The following GARRE1 variants were observed in gnomAD, a reference collection of about 807,000 sequenced individuals.
The protein encoded by GARRE1 is granule associated Rac and RHOG effector 1.
Under a neutral mutation model 103.2 loss-of-function variants are expected in GARRE1, and 49 were observed. The ratio of observed to expected loss-of-function variants is 0.47; its 90% CI spans 0.38 to 0.60. The LOEUF is 0.60. GARRE1 is among the 20% of genes least tolerant of loss of function. GARRE1 has a pLI of 0.00. For synonymous variants in GARRE1, 505 were observed against 532.8 expected, an observed-to-expected ratio of 0.95 and a Z score of 0.72; for missense variants, 1,199 against 1,370.5, an observed-to-expected ratio of 0.87 and a Z score of 1.98.
intron 2 of GARRE1, among the ~76,000 whole-genome samples, chr19:34,301,413 C>T (rs2073977837): frequency 6.7e-6 from 1 of 149,566 alleles, no homozygotes; most frequent in Admixed American, 6.7e-5. Flanking sequence ...AGCCCAGAAG[C>T]TGAGGTGGGA....
intron 3 of GARRE1, among the ~76,000 whole-genome samples, chr19:34,325,940 C>G (rs1268738780): frequency 6.6e-6 from 1 of 152,178 alleles, no homozygotes; most frequent in Non-Finnish European, 1.5e-5. Context: ...ACCCTAAGTG[C>G]TGCTTTCTGG....
intron 1 of GARRE1, among the ~76,000 whole-genome samples, chr19:34,292,169 CT>C (rs1442599490): frequency 6.6e-6 from 1 of 152,116 alleles, no homozygotes; most frequent in African/African-American, 2.4e-5. Flanking sequence ...CCCAGATCTA[CT>C]TTTTTATCTG....
chr19:34,268,785 A>G (rs574921868), intron 1 of GARRE1, among the ~76,000 whole-genome samples: 7 of 151,744 alleles, frequency 4.6e-5, no homozygotes, highest in Non-Finnish European at 1.0e-4. Context: ...ACACAGTGAG[A>G]CTCCGTCTCT....
chr19:34,279,065 T>C (rs548141194), intron 1 of GARRE1, among the ~76,000 whole-genome samples: 1 of 152,338 alleles, frequency 6.6e-6, no homozygotes, highest in Non-Finnish European at 1.5e-5. Context: ...TGTTTCCACC[T>C]TTTGACTATT....
rs2074117859 is a variant in GARRE1 at position 34,327,601 on chromosome 19, A to G, written c.846+40A>G. 2.5e-6 allele frequency: 4 copies of G among 1,606,492 alleles called. No individual in the cohort carries two copies. In the East Asian group the frequency reaches 6.7e-5, roughly 27 times the overall value. ...ACTGACATACTGATTTCCACGGGATAGAAACAAGGGAGGGAGTTAAAGTTG... is the reference window on the plus strand; with the variant it reads ...ACTGACATACTGATTTCCACGGGATGGAAACAAGGGAGGGAGTTAAAGTTG... On this transcript the variant is annotated intron_variant, in intron 4 of 13. Transcript: ENST00000299505.
In GARRE1 at chr19:34,353,205, T is replaced by G; in HGVS notation, c.*250T>G. On this transcript the variant is annotated 3_prime_UTR_variant, in exon 14 of 14. Transcript: ENST00000299505. ...AGGCGTCTGGCCTTCAGGGGCTTGCTAGGGAACCTGCATGCCTAGTAAGCG... is the reference window on the plus strand; with the variant it reads ...AGGCGTCTGGCCTTCAGGGGCTTGCGAGGGAACCTGCATGCCTAGTAAGCG... The G allele has an allele frequency of 2.0e-6, 1 of 491,754 alleles. No homozygotes were observed. The highest frequency in any genetic ancestry group is 3.6e-6 in the Non-Finnish European group (1 of 278,384). 30.5% of individuals were successfully genotyped at this position (491,754 alleles called of 1,614,324 possible).
chr19:34,341,557 C>T lies in GARRE1; in HGVS notation c.1623C>T (p.Ser541=). The change falls in exon 10 of 14, where the codon TCC becomes TCT. Residue 541 remains serine (S), a synonymous_variant. Transcript: ENST00000299505. ...AGAAGACATTCTCCAAACTGACATC[C>T]CGGTTCACCAAGAAAGCTTCATGTA... ...GLQKTFSKLT[S]RFTKKASCTS... is the part of the protein sequence containing the mutation. The T allele has an allele frequency of 2.5e-6, 4 of 1,614,096 alleles. No individual in the cohort carries two copies. The South Asian group carries it at 4.4e-5, about 18-fold the overall frequency.
At chr19:34,347,767 C>T in intron 10 of GARRE1, 110 bp from the exon 11 acceptor site, 1 of 1,069,568 alleles carries the variant, frequency 9.3e-7, no homozygotes, top group Non-Finnish European at 1.3e-6. Flanking sequence ...AGCCTGGCAG[C>T]TCCTCACTGC....
chr19:34,268,081 T>G (rs2073763792), intron 1 of GARRE1, among the ~76,000 whole-genome samples: 1 of 151,820 alleles, frequency 6.6e-6, no homozygotes, highest in Admixed American at 6.6e-5. Context: ...GCTTTGTGTT[T>G]TTTTTTTTTT....
chr19:34,327,080 G>T (rs769963085), intron 3 of GARRE1, among the ~76,000 whole-genome samples: 1 of 151,816 alleles, frequency 6.6e-6, no homozygotes, highest in Non-Finnish European at 1.5e-5. Flanking sequence ...GCTTGAACTC[G>T]GGAGGCGGAG....
chr19:34,327,630 T>C, intron 4 of GARRE1, 69 bp downstream of exon 4: 1 of 1,565,464 alleles, frequency 6.4e-7, no homozygotes, highest in South Asian at 1.1e-5. Context: ...AAAGTTGTGA[T>C]GTTGAATCAA....
chr19:34,275,629 A>G (rs1006791873), intron 1 of GARRE1, among the ~76,000 whole-genome samples: 8 of 152,184 alleles, frequency 5.3e-5, no homozygotes, highest in Non-Finnish European at 8.8e-5. Flanking sequence ...TTGTCAATTG[A>G]TAGACATTTG....
intron 1 of GARRE1, among the ~76,000 whole-genome samples, chr19:34,292,605 TC>T (rs2073924442): frequency 6.6e-6 from 1 of 152,216 alleles, no homozygotes; most frequent in African/African-American, 2.4e-5. Context: ...AGACAGCGTC[TC>T]ACTCTGTTAC....
chr19:34,289,670 G>A (rs1159579286), intron 1 of GARRE1, among the ~76,000 whole-genome samples: 1 of 151,718 alleles, frequency 6.6e-6, no homozygotes, highest in East Asian at 1.9e-4. Context: ...GTTGCAGTGC[G>A]CCAAGATCAT....
chr19:34,292,149 A>T (rs1425999435), intron 1 of GARRE1, among the ~76,000 whole-genome samples: 1 of 152,186 alleles, frequency 6.6e-6, no homozygotes, highest in Non-Finnish European at 1.5e-5. Flanking sequence ...GGCGTGAGCC[A>T]CCGCACCCGC....
In GARRE1 at chr19:34,292,425, G is replaced by A. The variant is rs115011280; in HGVS notation, c.-795-7254G>A. Among the ~76,000 whole-genome samples the A allele has an allele frequency of 5.8e-3, 880 of 152,276 alleles. 8 individuals carry two copies. The highest frequency in any genetic ancestry group is 0.02 in the African/African-American group (848 of 41,562). ...ACTTTTGACTATTATGAATAATGCT[G>A]CTATGAACATTTGTGTGCAGGTTTT... On this transcript the variant is annotated intron_variant, in intron 1 of 13. Coordinates refer to ENST00000299505, the MANE Select transcript of GARRE1 (RefSeq NM_014686.5).
intron 7 of GARRE1, among the ~76,000 whole-genome samples, 155 bp from the exon 8 acceptor site, chr19:34,333,549 T>A (rs1331850728): frequency 1.3e-5 from 2 of 152,236 alleles, no homozygotes; most frequent in Non-Finnish European, 2.9e-5. Context: ...TACTACTTGC[T>A]GTTGTCTTCA....
At chr19:34,301,684 A>T (rs1397616662) in intron 2 of GARRE1, among the ~76,000 whole-genome samples, 4 of 140,186 alleles carry the variant, frequency 2.9e-5, no homozygotes, top group Non-Finnish European at 6.3e-5. Flanking sequence ...TTATTTGTGG[A>T]TTTTTTTTTT....
At position 34,328,846 on chromosome 19, in the gene GARRE1, G is replaced by A. The variant is rs567203407; in HGVS notation, c.1104+695G>A. 4.6e-5 allele frequency among the ~76,000 whole-genome samples: 7 copies of A among 152,192 alleles called. No individual in the cohort carries two copies. The South Asian group carries it at 1.5e-3, about 32-fold the overall frequency. Reference sequence around the variant, plus strand: ...TGGTGTCGAACTCCTGACCTCAGCTGATCCACCCTACTTGGCCTCCAAAAG... The same window carrying A: ...TGGTGTCGAACTCCTGACCTCAGCTAATCCACCCTACTTGGCCTCCAAAAG... On this transcript the variant is annotated intron_variant, in intron 6 of 13. Coordinates refer to ENST00000299505, the MANE Select transcript of GARRE1 (RefSeq NM_014686.5).
Sources: gnomAD v4.1 joint callset for allele counts (sites outside exome capture counted in the v4.1 genomes callset) on GRCh38, gnomAD v4.1.1 for gene constraint, MANE v1.5 for transcripts, NCBI Gene and HGNC (gene_info 2026-07-23, HGNC 2026-07-21) for gene names.